The following STRIP2 variants were observed in gnomAD, a reference collection of about 807,000 sequenced individuals.
The protein encoded by STRIP2 is striatin-interacting protein 2.
In STRIP2, 84 loss-of-function variants were observed where a neutral mutation model predicts 107.1. The ratio of observed to expected loss-of-function variants is 0.78; its 90% confidence interval spans 0.66 to 0.94. The LOEUF (loss-of-function observed/expected upper bound fraction) is 0.94, where lower values mean the gene tolerates loss of function less well. STRIP2 is among the 40% of genes least tolerant of loss of function. The pLI is 0.00. For missense variants in STRIP2, 888 were observed against 1,034.2 expected, an observed-to-expected ratio of 0.86 and a Z score of 1.94; for synonymous variants, 394 against 400.4, an observed-to-expected ratio of 0.98 and a Z score of 0.19.
chr7:129,477,213 G>GGGGGGAGAGGGA (rs1798991594), intron 18 of STRIP2, among the ~76,000 whole-genome samples: 1 of 29,100 alleles, frequency 3.4e-5, no homozygotes, highest in African/African-American at 9.9e-5. Context: ...AGGGGGAGGG[G>GGGGGGAGAGGGA]GAGGGAGACT....
At chr7:129,440,182 A>C in intron 2 of STRIP2, 91 bp downstream of exon 2, 42 of 1,089,562 alleles carry the variant, frequency 3.9e-5, no homozygotes, top group East Asian at 7.1e-5. Context: ...GTCTGTTCTC[A>C]CCAAGTGGCT....
chr7:129,465,893 A>C (rs746582771), intron 16 of STRIP2, among the ~76,000 whole-genome samples: 4 of 152,222 alleles, frequency 2.6e-5, no homozygotes, highest in Non-Finnish European at 5.9e-5. Flanking sequence ...TGCTGGTAGA[A>C]GAGCAGGTCC....
At position 129,454,137 on chromosome 7, in the gene STRIP2, G is replaced by A. The variant is rs561478053; in HGVS notation, c.531-5G>A. The A allele has an allele frequency of 6.2e-7, 1 of 1,613,902 alleles. No homozygotes were observed. The highest frequency in any genetic ancestry group is 2.2e-5 in the East Asian group (1 of 44,886). ...ATTCCTGTTCTTTTTCTCCTCCCCTGGCAGCAACAGCCAGGCCTGTAGCAG... is the reference window on the plus strand; with the variant it reads ...ATTCCTGTTCTTTTTCTCCTCCCCTAGCAGCAACAGCCAGGCCTGTAGCAG... On this transcript the variant is annotated splice_polypyrimidine_tract_variant and splice_region_variant and intron_variant, in intron 5 of 20. Transcript: ENST00000249344.
rs544536095 is a variant in STRIP2, at chr7:129,486,996, C to CTTTTTTTTTTTTTTTT, written c.*1186_*1201dup. On this transcript the variant is annotated 3_prime_UTR_variant, in exon 21 of 21. Coordinates refer to ENST00000249344, the MANE Select transcript of STRIP2 (RefSeq NM_020704.3). ...TTTCTGATTTAGTTAGGATCATATG[C>CTTTTTTTTTTTTTTTT]TTTTTTTTTTTTTTTTTTTTTTTTT... 1.9e-5 allele frequency: 1 copy of CTTTTTTTTTTTTTTTT among 53,168 alleles called. No homozygotes were observed. 3.3% of individuals were successfully genotyped at this position (53,168 alleles called of 1,614,324 possible).
chr7:129,475,607 C>T (rs1798902171), intron 18 of STRIP2, among the ~76,000 whole-genome samples: 2 of 130,792 alleles, frequency 1.5e-5, no homozygotes, highest in Non-Finnish European at 3.1e-5. Flanking sequence ...GGGTGTTTCT[C>T]GCATAGGGGG....
At chr7:129,457,197 C>G (rs1798387468) in intron 9 of STRIP2, among the ~76,000 whole-genome samples, 1 of 152,194 alleles carries the variant, frequency 6.6e-6, no homozygotes, top group African/African-American at 2.4e-5. Flanking sequence ...AATTTTGTCA[C>G]TGAGCAAACA....
Position 129,485,622 on chromosome 7 carries a change from CTTGAGGGCCAACA to C in STRIP2, c.2305_2317del (p.Ala769LeufsTer64), listed in dbSNP as rs766559416. 6.2e-7 allele frequency: 1 copy of C among 1,613,920 alleles called. No individual in the cohort carries two copies. Among genetic ancestry groups the C allele is most frequent in the South Asian group, 1.1e-5 (1 of 91,062 alleles). On this transcript the variant is annotated frameshift_variant, in exon 21 of 21. Coordinates refer to ENST00000249344, the MANE Select transcript of STRIP2 (RefSeq NM_020704.3). LOFTEE classifies it high-confidence loss of function. ...GGGACTTCCAAGCAGAAGAATGTAC[CTTGAGGGCCAACA>C]TTGAGGCTTTTAACAGCCGTCGCTA...
Position 129,456,544 on chromosome 7 carries a change from A to G in STRIP2, c.940A>G (p.Met314Val). 1 of 1,614,086 alleles carries G rather than the reference A, an allele frequency of 6.2e-7. No homozygotes were observed. The highest frequency in any genetic ancestry group is 1.1e-5 in the South Asian group (1 of 91,072). The change falls in exon 9 of 21, where the codon ATG becomes GTG. Residue 314 changes from methionine to valine, a missense_variant. Coordinates refer to ENST00000249344, the MANE Select transcript of STRIP2 (RefSeq NM_020704.3). ...AGACAGTATCCAGGTGGTGAAGAGC[A>G]TGCGTGCTGCCTCCCCGCCCTCTTA... Reference protein sequence around the residue: ...AEDSIQVVKSMRAASPPSYTL... With the variant: ...AEDSIQVVKSVRAASPPSYTL...
intron 20 of STRIP2, chr7:129,484,480 A>G (rs1034023823): frequency 2.0e-5 from 3 of 152,212 alleles, no homozygotes; most frequent in African/African-American, 7.2e-5. Context: ...AGGATGATGC[A>G]GTAAAGAGTT....
intron 5 of STRIP2, among the ~76,000 whole-genome samples, 181 bp from the exon 6 acceptor site, chr7:129,453,961 A>G (rs1212328481): frequency 1.3e-5 from 2 of 152,224 alleles, no homozygotes; most frequent in African/African-American, 2.4e-5. Context: ...TGTCTTCACC[A>G]TAGATGAGAG....
chr7:129,478,087 A>G, intron 18 of STRIP2: 1 of 283,308 alleles, frequency 3.5e-6, no homozygotes, highest in Non-Finnish European at 7.1e-6. Context: ...TCATGTTAGA[A>G]ACCTTGGAAC....
chr7:129,463,171 C>T, intron 14 of STRIP2, 131 bp downstream of exon 14: 1 of 669,420 alleles, frequency 1.5e-6, no homozygotes, highest in South Asian at 2.0e-5. Context: ...AAGGCATTCT[C>T]TGACACATGC....
chr7:129,469,347 C>T (rs1798741122), intron 17 of STRIP2, among the ~76,000 whole-genome samples: 2 of 152,232 alleles, frequency 1.3e-5, no homozygotes. Context: ...AGAATTTTCT[C>T]ATGGCTCTTA....
intron 16 of STRIP2, among the ~76,000 whole-genome samples, chr7:129,464,963 A>T (rs1798635874): frequency 6.6e-6 from 1 of 151,874 alleles, no homozygotes; most frequent in African/African-American, 2.4e-5. Context: ...AAGTTATCCC[A>T]GAGTTGTGGG....
At chr7:129,455,129 G>A (rs1798307781) in intron 7 of STRIP2, 115 bp from the exon 8 acceptor site, 1 of 1,286,426 alleles carries the variant, frequency 7.8e-7, no homozygotes, top group East Asian at 2.6e-5. Flanking sequence ...AAGTACTCTG[G>A]TATTCTTCAG....
chr7:129,458,016 G>T lies in STRIP2; in HGVS notation c.1039-199G>T. ...GCTATGTTCCCTGGCTAATGGCAGG[G>T]TTACCTGAGAACTTCTTGTCCTGTT... On this transcript the variant is annotated intron_variant, in intron 9 of 20. Transcript: ENST00000249344. This position sits in a 1 kb window ranked among gnomAD's most constrained non-coding sequence, Gnocchi z 4.6. The T allele has an allele frequency of 3.2e-6, 2 of 626,846 alleles. No individual in the cohort carries two copies. Among genetic ancestry groups the T allele is most frequent in the Non-Finnish European group, 5.8e-6 (2 of 343,452 alleles). 38.8% of individuals were successfully genotyped at this position (626,846 alleles called of 1,614,324 possible).
chr7:129,481,264 C>G (rs1328454696), intron 19 of STRIP2, among the ~76,000 whole-genome samples: 1 of 149,070 alleles, frequency 6.7e-6, no homozygotes, highest in Non-Finnish European at 1.5e-5. Flanking sequence ...TTTGGGAAGC[C>G]GAGGCGGGCA....
chr7:129,467,443 A>G lies in STRIP2; in HGVS notation c.1870A>G (p.Lys624Glu). 1 of 1,609,836 alleles carries G rather than the reference A, an allele frequency of 6.2e-7. No individual in the cohort carries two copies. The highest frequency in any genetic ancestry group is 8.5e-7 in the Non-Finnish European group (1 of 1,177,132). ...AAATATCTTGTCATACATCACTGCC[A>G]AAAACAGGTATGAACTCTGGACAGG... ...NQNILSYITA[K>E]NSISVLDYPC... Residue 624 changes from lysine to glutamate, a missense_variant, in exon 17 of 21, where the codon AAA becomes GAA. Physicochemically the swap from Lys to Glu is moderately conservative, Grantham distance 56 (BLOSUM62 1). Transcript: ENST00000249344.
chr7:129,481,114 A>G (rs1480307023), intron 19 of STRIP2, among the ~76,000 whole-genome samples: 3 of 152,136 alleles, frequency 2.0e-5, no homozygotes, highest in Non-Finnish European at 2.9e-5. Flanking sequence ...CCTCAGGGCA[A>G]CTCTAGCAGG....
Sources: allele counts gnomAD v4.1 joint callset (sites outside exome capture counted in the v4.1 genomes callset), GRCh38; gene constraint gnomAD v4.1.1; non-coding constraint Gnocchi (gnomAD v3.1); transcripts MANE v1.5; gene names NCBI Gene and HGNC (gene_info 2026-07-23, HGNC 2026-07-21).